Variants in EIF5A2 observed in about 807,000 individuals in gnomAD.
EIF5A2 encodes eukaryotic translation initiation factor 5A2, also known as eukaryotic translation initiation factor 5A-2.
A neutral mutation model predicts 16.4 loss-of-function variants in EIF5A2; 15 were observed. The observed-to-expected ratio is 0.92, with a 90% confidence interval of 0.61 to 1.41. The LOEUF is 1.41. Among genes scored for constraint, EIF5A2 ranks in the 40% most tolerant of loss-of-function variants. The pLI is 0.00. For synonymous variants in EIF5A2, 48 were observed against 61.1 expected (o/e 0.79, Z 1.00); for missense variants, 144 against 189.5 (o/e 0.76, Z 1.41).
In EIF5A2 at chr3:170,894,997, G is replaced by T. The variant is rs570551522; in HGVS notation, c.271-574C>A. Reference sequence around the variant, plus strand: ...GCCAAGATCGTGCCCCTGCACTCCAGCCTGGGCGACAGAGCGAGACTCTGT... The same window carrying T: ...GCCAAGATCGTGCCCCTGCACTCCATCCTGGGCGACAGAGCGAGACTCTGT... On this transcript the variant is annotated intron_variant, in intron 3 of 4. Coordinates refer to ENST00000295822, the MANE Select transcript of EIF5A2 (RefSeq NM_020390.6). 6.0e-5 allele frequency among the ~76,000 whole-genome samples: 8 copies of T among 134,052 alleles called. No homozygotes were observed. In the South Asian group the frequency reaches 1.9e-3, roughly 31 times the overall value. 87.9% of individuals were successfully genotyped at this position (134,052 alleles called of 152,430 possible).
intron 3 of EIF5A2, among the ~76,000 whole-genome samples, chr3:170,902,398 C>A (rs1260990861): frequency 1.1e-5 from 1 of 91,378 alleles, no homozygotes; most frequent in African/African-American, 4.9e-5. Context: ...GCCATTCAGC[C>A]TTTTTTTTTT....
intron 3 of EIF5A2, among the ~76,000 whole-genome samples, chr3:170,895,867 C>T (rs769299486): frequency 2.6e-5 from 4 of 152,044 alleles, no homozygotes; most frequent in Admixed American, 6.6e-5. Context: ...TAAAGATGGG[C>T]GTCTCATTAT....
At chr3:170,906,288 A>G (rs1712934720) in intron 3 of EIF5A2, among the ~76,000 whole-genome samples, 1 of 152,206 alleles carries the variant, frequency 6.6e-6, no homozygotes, top group Non-Finnish European at 1.5e-5. Context: ...TATAAGGTCA[A>G]TTATTTTGTT....
chr3:170,901,091 C>A (rs190356470), intron 3 of EIF5A2, among the ~76,000 whole-genome samples: 30 of 152,258 alleles, frequency 2.0e-4, no homozygotes, highest in African/African-American at 7.0e-4. Flanking sequence ...TTTCAGGAAA[C>A]ACAAGGGACA....
chr3:170,894,620 T>G (rs1240540030), intron 3 of EIF5A2, among the ~76,000 whole-genome samples, 197 bp from the exon 4 acceptor site: 7 of 152,120 alleles, frequency 4.6e-5, no homozygotes, highest in Non-Finnish European at 1.0e-4. Flanking sequence ...CTCCTCCCGG[T>G]ACTTCCCATA....
intron 1 of EIF5A2, among the ~76,000 whole-genome samples, chr3:170,908,219 C>T (rs1007067506): frequency 2.0e-5 from 3 of 152,210 alleles, no homozygotes; most frequent in African/African-American, 7.2e-5. Context: ...CCGCAGGTCC[C>T]CGCGAAGGAT....
At chr3:170,897,136 A>G (rs1382685905) in intron 3 of EIF5A2, among the ~76,000 whole-genome samples, 2 of 152,244 alleles carry the variant, frequency 1.3e-5, no homozygotes, top group Non-Finnish European at 2.9e-5. Flanking sequence ...GAAAGTGTAC[A>G]GTCATATGCA....
intron 3 of EIF5A2, among the ~76,000 whole-genome samples, chr3:170,906,114 G>C (rs557622426): frequency 2.0e-5 from 3 of 152,142 alleles, no homozygotes; most frequent in Admixed American, 2.0e-4. Context: ...AAAGGGTACA[G>C]AAAAAAATCA....
In EIF5A2 at chr3:170,891,723, C is replaced by T. The variant is rs779526550; in HGVS notation, c.*1637G>A. On this transcript the variant is annotated 3_prime_UTR_variant, in exon 5 of 5. Coordinates refer to ENST00000295822, the MANE Select transcript of EIF5A2 (RefSeq NM_020390.6). ...GTATTTCTGAGATAGTGATTTTGTTCTATGTTTTGCTCCAATATGATGATT... is the reference window on the plus strand; with the variant it reads ...GTATTTCTGAGATAGTGATTTTGTTTTATGTTTTGCTCCAATATGATGATT... 5 of 152,468 alleles carry T rather than the reference C, an allele frequency of 3.3e-5. No individual in the cohort carries two copies. The highest frequency in any genetic ancestry group is 4.4e-5 in the Non-Finnish European group (3 of 68,020). The allele number at this position is 152,468 out of a possible 1,614,324, so 9.4% of individuals were successfully genotyped here.
Position 170,889,056 on chromosome 3 carries a change from T to TTTTTTC in EIF5A2, c.*4303_*4304insGAAAAA. The TTTTTTC allele has an allele frequency of 7.0e-6, 1 of 143,424 alleles. No individual in the cohort carries two copies. The highest frequency in any genetic ancestry group is 2.6e-5 in the African/African-American group (1 of 38,756). The allele number at this position is 143,424 out of a possible 1,614,324, so 8.9% of individuals were successfully genotyped here. On this transcript the variant is annotated 3_prime_UTR_variant, in exon 5 of 5. Transcript: ENST00000295822. ...TAAATACAATAACCTGTCTTTTTTT[T>TTTTTTC]TTTTTTTTTTTTTTTGTAAAATAGG...
intron 3 of EIF5A2, among the ~76,000 whole-genome samples, chr3:170,905,621 C>T (rs904784360): frequency 6.6e-6 from 1 of 152,234 alleles, no homozygotes; most frequent in African/African-American, 2.4e-5. Flanking sequence ...AAATATTTTT[C>T]GAGCACCTAC....
chr3:170,901,770 T>C (rs1032619518), intron 3 of EIF5A2, among the ~76,000 whole-genome samples: 1 of 152,192 alleles, frequency 6.6e-6, no homozygotes. Context: ...TTTCTGAATT[T>C]AATTTTGTTT....
At position 170,898,319 on chromosome 3, in the gene EIF5A2, A is replaced by G. The variant is rs1426955048; in HGVS notation, c.271-3896T>C. ...ATGAGATTTGGAAGGGGCCAGGGAC[A>G]GAATAATATGATTTGGCTCTGTGTC... On this transcript the variant is annotated intron_variant, in intron 3 of 4. Coordinates refer to ENST00000295822, the MANE Select transcript of EIF5A2 (RefSeq NM_020390.6). 5.3e-5 allele frequency among the ~76,000 whole-genome samples: 8 copies of G among 152,238 alleles called. No individual in the cohort carries two copies. The East Asian group carries it at 1.5e-3, about 29-fold the overall frequency.
In EIF5A2 at chr3:170,894,286, CT is replaced by C. The variant is rs774057150; in HGVS notation, c.402+5del. The C allele has an allele frequency of 3.7e-6, 6 of 1,612,528 alleles. No individual in the cohort carries two copies. The African/African-American group carries it at 6.7e-5, about 18-fold the overall frequency. On this transcript the variant is annotated splice_donor_5th_base_variant and intron_variant, in intron 4 of 4. Coordinates refer to ENST00000295822, the MANE Select transcript of EIF5A2 (RefSeq NM_020390.6). Reference sequence around the variant, plus strand: ...TTTCAAAAATAATCCTTCTCTAAGTCTTTACCTGTACATCTTCACCTGCATT... The same window carrying C: ...TTTCAAAAATAATCCTTCTCTAAGTCTTACCTGTACATCTTCACCTGCATT...
chr3:170,889,592 T>C lies in EIF5A2; in HGVS notation c.*3768A>G, dbSNP rs1269425320. Reference sequence around the variant, plus strand: ...AGCTGCTGATCAGTACAATATACTGTTAATGGAAATATGCTTATATTTTCA... The same window carrying C: ...AGCTGCTGATCAGTACAATATACTGCTAATGGAAATATGCTTATATTTTCA... On this transcript the variant is annotated 3_prime_UTR_variant, in exon 5 of 5. Coordinates refer to ENST00000295822, the MANE Select transcript of EIF5A2 (RefSeq NM_020390.6). The C allele has an allele frequency of 6.6e-6, 1 of 152,596 alleles. No individual in the cohort carries two copies. The highest frequency in any genetic ancestry group is 2.4e-5 in the African/African-American group (1 of 41,464). 9.5% of individuals were successfully genotyped at this position (152,596 alleles called of 1,614,324 possible).
chr3:170,897,322 C>G (rs1712698591), intron 3 of EIF5A2, among the ~76,000 whole-genome samples: 1 of 152,166 alleles, frequency 6.6e-6, no homozygotes, highest in South Asian at 2.1e-4. Flanking sequence ...TATTAATAGC[C>G]AAGACAATGG....
At chr3:170,898,049 G>T (rs1407249974) in intron 3 of EIF5A2, among the ~76,000 whole-genome samples, 7 of 152,146 alleles carry the variant, frequency 4.6e-5, no homozygotes, top group Non-Finnish European at 4.4e-5. Flanking sequence ...GACTTGTATG[G>T]GACCTGTAGC....
chr3:170,899,179 T>G (rs1023384304), intron 3 of EIF5A2, among the ~76,000 whole-genome samples: 1 of 152,178 alleles, frequency 6.6e-6, no homozygotes, highest in Non-Finnish European at 1.5e-5. Flanking sequence ...AGTCTCTTAA[T>G]TCTAACAGTT....
rs1057103202 is a variant in EIF5A2, at chr3:170,890,550, T to G, written c.*2810A>C. ...TTATGATGCAAATGCTAAGTCAAAG[T>G]AGCAATGATATGATCTATGTTGTAG... is the stretch of plus-strand genomic sequence containing the variant. On this transcript the variant is annotated 3_prime_UTR_variant, in exon 5 of 5. Coordinates refer to ENST00000295822, the MANE Select transcript of EIF5A2 (RefSeq NM_020390.6). The G allele has an allele frequency of 7.9e-5, 12 of 152,152 alleles. No homozygotes were observed. The highest frequency in any genetic ancestry group is 2.9e-4 in the African/African-American group (12 of 41,456). The allele number at this position is 152,152 out of a possible 1,614,324, so 9.4% of individuals were successfully genotyped here.
Sources: gnomAD v4.1 joint callset for allele counts (sites outside exome capture counted in the v4.1 genomes callset) on GRCh38, gnomAD v4.1.1 for gene constraint, MANE v1.5 for transcripts, NCBI Gene and HGNC (gene_info 2026-07-23, HGNC 2026-07-21) for gene names.